The following ARL10 variants were observed in gnomAD, a reference collection of about 807,000 sequenced individuals.
The protein encoded by ARL10 is ADP-ribosylation factor-like protein 10.
Under a neutral mutation model 26.1 loss-of-function variants are expected in ARL10, and 23 were observed. The ratio of observed to expected loss-of-function variants is 0.88; its 90% CI spans 0.63 to 1.25. The LOEUF (loss-of-function observed/expected upper bound fraction) is 1.25. Ranked by LOEUF, ARL10 falls within the 50% of genes most tolerant of loss-of-function variation. The pLI is 0.00. For synonymous variants in ARL10, 138 were observed against 149.1 expected (o/e 0.93, Z 0.54); for missense variants, 300 against 323.6 (o/e 0.93, Z 0.56).
Position 176,379,818 on chromosome 5 carries a change from G to T in ARL10, c.*7923G>T, listed in dbSNP as rs1755507345. 1 of 152,188 alleles carries T rather than the reference G, an allele frequency of 6.6e-6. No individual in the cohort carries two copies. The highest frequency in any genetic ancestry group is 2.4e-5 in the African/African-American group (1 of 41,440). The allele number at this position is 152,188 out of a possible 1,614,324, so 9.4% of individuals were successfully genotyped here. A position where few individuals can be genotyped will look rare whatever the true frequency, so the allele number is the denominator to read the frequency against. On this transcript the variant is annotated 3_prime_UTR_variant, in exon 4 of 4. Coordinates refer to ENST00000310389, the MANE Select transcript of ARL10 (RefSeq NM_173664.6). ...CCTTTTTGCCTCCTCTTGGGGTTTT[G>T]GAGTGGTCTTTAGTATCCTCAGGCT...
At position 176,368,724 on chromosome 5, in the gene ARL10, G is replaced by A; in HGVS notation, c.386-83G>A. On this transcript the variant is annotated intron_variant, in intron 2 of 3. Transcript: ENST00000310389. This position sits in a 1 kb window ranked among gnomAD's most constrained non-coding sequence, Gnocchi z 4.1. Reference sequence around the variant, plus strand: ...GTGGGGTGGGGGCTGTGGGCAGTGAGCGGGGGCCCGGGGTGGGGTGGGGGC... The same window carrying A: ...GTGGGGTGGGGGCTGTGGGCAGTGAACGGGGGCCCGGGGTGGGGTGGGGGC... The A allele has an allele frequency of 7.0e-7, 1 of 1,431,796 alleles. No individual in the cohort carries two copies. The highest frequency in any genetic ancestry group is 2.5e-5 in the Admixed American group (1 of 39,768). The allele number at this position is 1,431,796 out of a possible 1,614,324, so 88.7% of individuals were successfully genotyped here. A position where few individuals can be genotyped will look rare whatever the true frequency, so the allele number is the denominator to read the frequency against.
the ARL10 span, among the ~76,000 whole-genome samples, chr5:176,409,604 G>A: frequency 8.6e-5 from 13 of 151,822 alleles, no homozygotes; most frequent in East Asian, 9.7e-4. Context: ...TAGTAAAGAC[G>A]GGGTTTCACT....
At chr5:176,388,541 G>A in exon 2 of ARL10, 2 of 1,607,350 alleles carry the variant, frequency 1.2e-6, no homozygotes, top group Non-Finnish European at 1.7e-6. Context: ...CTTGGGCATC[G>A]CGCTGACCAC....
chr5:176,384,212 CA>C, downstream of ARL10: 6 of 1,614,172 alleles, frequency 3.7e-6, no homozygotes, highest in Non-Finnish European at 5.1e-6. Flanking sequence ...CAGCCTGGGG[CA>C]GCTGTGATGT....
rs1434468106 is a variant in ARL10, at chr5:176,380,190, G to A, written c.*8295G>A. ...ATCGAGGCAAAGAAGAGACAGAGAA[G>A]GAGCAATCCAGGTTCATGTGCTGCA... On this transcript the variant is annotated 3_prime_UTR_variant, in exon 4 of 4. Coordinates refer to ENST00000310389, the MANE Select transcript of ARL10 (RefSeq NM_173664.6). The A allele has an allele frequency of 6.6e-6, 1 of 152,198 alleles. No individual in the cohort carries two copies. The highest frequency in any genetic ancestry group is 1.5e-5 in the Non-Finnish European group (1 of 68,036). The allele number at this position is 152,198 out of a possible 1,614,324, so 9.4% of individuals were successfully genotyped here.
chr5:176,405,504 A>G (rs947193212), downstream of ARL10: 18 of 149,628 alleles, frequency 1.2e-4, no homozygotes, highest in African/African-American at 2.5e-4. Context: ...AAAAAAAAAA[A>G]AAAAGAAAAA....
chr5:176,381,979 TC>T (rs1755566358), downstream of ARL10: 1 of 152,224 alleles, frequency 6.6e-6, no homozygotes, highest in African/African-American at 2.4e-5. Context: ...GCACTGAAGA[TC>T]CAGAGTGTCA....
the ARL10 span, among the ~76,000 whole-genome samples, chr5:176,411,519 T>C: frequency 2.0e-5 from 3 of 152,288 alleles, no homozygotes; most frequent in East Asian, 1.9e-4. Flanking sequence ...CATCCACCCC[T>C]TGGGCACCCC....
chr5:176,413,421 G>A, the ARL10 span, among the ~76,000 whole-genome samples: 1 of 152,242 alleles, frequency 6.6e-6, no homozygotes, highest in Admixed American at 6.5e-5. Flanking sequence ...ACCCAAGGCT[G>A]ATGAATGGAA....
downstream of ARL10, chr5:176,405,601 C>T (rs896577692): frequency 3.9e-5 from 6 of 151,946 alleles, no homozygotes; most frequent in African/African-American, 1.5e-4. Context: ...ACTGCCCTAG[C>T]AGGTGTGTGG....
downstream of ARL10, among the ~76,000 whole-genome samples, chr5:176,385,714 C>G (rs1054486131): frequency 1.3e-5 from 2 of 152,218 alleles, no homozygotes; most frequent in African/African-American, 2.4e-5. Context: ...CTCAGAGAAG[C>G]TCTTGATGTA....
rs753913983 is a variant in ARL10, at chr5:176,366,589, G to A, written c.385+8G>A. The A allele has an allele frequency of 3.7e-6, 6 of 1,613,396 alleles. No homozygotes were observed. In the African/African-American group the frequency reaches 4.0e-5, roughly 11 times the overall value. ...AGGTGGACCTGCTAGAAAGTGAGCG[G>A]ACACCCTACCCCATCTCCCCGTCTC... On this transcript the variant is annotated splice_region_variant and intron_variant, in intron 2 of 3. Coordinates refer to ENST00000310389, the MANE Select transcript of ARL10 (RefSeq NM_173664.6).
the ARL10 span, among the ~76,000 whole-genome samples, chr5:176,410,902 C>T: frequency 1.3e-5 from 2 of 152,222 alleles, no homozygotes; most frequent in African/African-American, 2.4e-5. Flanking sequence ...GCAGTGACTC[C>T]TCCCTGTCCC....
intron 1 of ARL10, among the ~76,000 whole-genome samples, chr5:176,395,648 G>A (rs140883498): frequency 6.6e-6 from 1 of 152,208 alleles, no homozygotes; most frequent in Non-Finnish European, 1.5e-5. Flanking sequence ...TGCCAACCCT[G>A]GTCTTGATTA....
chr5:176,388,789 C>G (rs756169086), downstream of ARL10: 1 of 1,604,422 alleles, frequency 6.2e-7, no homozygotes, highest in Non-Finnish European at 8.5e-7. Flanking sequence ...AGGTCGGAGT[C>G]CCGATTTTCT....
At position 176,365,592 on chromosome 5, in the gene ARL10, T is replaced by G; in HGVS notation, c.29T>G (p.Val10Gly). 8.0e-7 allele frequency: 1 copy of G among 1,249,266 alleles called. No homozygotes were observed. The highest frequency in any genetic ancestry group is 1.0e-6 in the Non-Finnish European group (1 of 998,492). 77.4% of individuals were successfully genotyped at this position (1,249,266 alleles called of 1,614,324 possible). ...GCGCCGCGGCCGCTGGGCCCCTTGG[T>G]GCTGGCGCTGGGCGGCGCCGCGGCG... The part of the protein sequence containing the change: MAPRPLGPL[V>G]LALGGAAAVL... The change falls in exon 1 of 4, where the codon GTG (valine) becomes GGG (glycine). Residue 10 changes from valine to glycine, a missense_variant. Val to Gly is a moderately radical substitution (Grantham distance 109). Transcript: ENST00000310389.
At chr5:176,393,050 C>T, downstream of ARL10, 1 of 1,292,700 alleles carries the variant, frequency 7.7e-7, no homozygotes. This position sits in a 1 kb window ranked among gnomAD's most constrained non-coding sequence, Gnocchi z 4.4. Context: ...CTGTGTCCTC[C>T]CCAGCCTTGT....
intron 1 of ARL10, among the ~76,000 whole-genome samples, chr5:176,401,232 G>A (rs542680759): frequency 3.6e-4 from 55 of 152,360 alleles, no homozygotes; most frequent in African/African-American, 1.3e-3. Flanking sequence ...CCTTCCATCT[G>A]CAGACAACTG....
In ARL10 at chr5:176,371,705, TTC is replaced by T; in HGVS notation, c.562-15_562-14del. ...GAAATGCTGCCAGCTGTGTTCGGAC[TTC>T]TGTGTCTCACCCAGGACCTGAGCGA... is the stretch of plus-strand genomic sequence containing the variant. On this transcript the variant is annotated splice_polypyrimidine_tract_variant and intron_variant, in intron 3 of 3. Transcript: ENST00000310389. 1 of 1,612,388 alleles carries T rather than the reference TTC, an allele frequency of 6.2e-7. No homozygotes were observed. Among genetic ancestry groups the T allele is most frequent in the Non-Finnish European group, 8.5e-7 (1 of 1,178,664 alleles).
Sources: gnomAD v4.1 joint callset for allele counts (sites outside exome capture counted in the v4.1 genomes callset) on GRCh38, gnomAD v4.1.1 for gene constraint, Gnocchi (gnomAD v3.1) non-coding constraint, MANE v1.5 for transcripts, NCBI Gene and HGNC (gene_info 2026-07-23, HGNC 2026-07-21) for gene names.